Variants in MS4A7 observed in about 807,000 individuals in gnomAD.
MS4A7 encodes the protein membrane spanning 4-domains A7.
In MS4A7, 21 loss-of-function variants were observed where a neutral mutation model predicts 23.5. That is an observed-to-expected ratio of 0.89 (90% CI 0.63 to 1.29). The LOEUF (loss-of-function observed/expected upper bound fraction) is 1.29. Among genes scored for constraint, MS4A7 ranks in the 50% most tolerant of loss-of-function variants. The pLI, the probability that MS4A7 is intolerant of heterozygous loss-of-function variation, is 0.00. For synonymous variants in MS4A7, 111 were observed against 107.4 expected, an observed-to-expected ratio of 1.03 and a Z score of -0.21; for missense variants, 263 against 274.2, an observed-to-expected ratio of 0.96 and a Z score of 0.29.
chr11:60,381,464 G>T (rs1267586973), intron 1 of MS4A7, among the ~76,000 whole-genome samples: 1 of 152,146 alleles, frequency 6.6e-6, no homozygotes, highest in African/African-American at 2.4e-5. Context: ...AACATGGATC[G>T]ACTATTATGG....
chr11:60,389,124 TAG>T (rs760751957), intron 4 of MS4A7: 28 of 439,778 alleles, frequency 6.4e-5, no homozygotes, highest in Non-Finnish European at 1.0e-4. Context: ...TTGAGTGCTA[TAG>T]AGAGTCAATG....
rs192306667 is a variant in MS4A7, at chr11:60,395,151, G to T, written c.*1290G>T. ...CCCCTGCACTTTGTACCACATGGGCGTATTCTTTCTTCCCAGTCATTGCTG... is the reference window on the plus strand; with the variant it reads ...CCCCTGCACTTTGTACCACATGGGCTTATTCTTTCTTCCCAGTCATTGCTG... On this transcript the variant is annotated 3_prime_UTR_variant, in exon 7 of 7. Transcript: ENST00000300184. 13 of 373,796 alleles carry T rather than the reference G, an allele frequency of 3.5e-5. No homozygotes were observed. Among genetic ancestry groups the T allele is most frequent in the South Asian group, 2.6e-4 (2 of 7,842 alleles). 23.2% of individuals were successfully genotyped at this position (373,796 alleles called of 1,614,324 possible). A position where few individuals can be genotyped will look rare whatever the true frequency, so the allele number is the denominator to read the frequency against.
At chr11:60,386,267 A>G (rs2085485924) in intron 3 of MS4A7, among the ~76,000 whole-genome samples, 1 of 152,152 alleles carries the variant, frequency 6.6e-6, no homozygotes. Flanking sequence ...TTCTGACTCA[A>G]GCAACATACA....
rs910508659 is a variant in MS4A7, at chr11:60,394,853, T to C, written c.*992T>C. 1.1e-4 allele frequency: 52 copies of C among 489,660 alleles called. 1 individual carries two copies. Among genetic ancestry groups the C allele is most frequent in the African/African-American group, 9.6e-4 (49 of 51,036 alleles). The allele number at this position is 489,660 out of a possible 1,614,324, so 30.3% of individuals were successfully genotyped here. ...ATAAAAATAGACTATATATAGTCTT[T>C]GAATTCATTTATTTTAAATAAATGA... On this transcript the variant is annotated 3_prime_UTR_variant, in exon 7 of 7. Coordinates refer to ENST00000300184, the MANE Select transcript of MS4A7 (RefSeq NM_021201.5).
At position 60,386,737 on chromosome 11, in the gene MS4A7, C is replaced by G; in HGVS notation, c.303C>G (p.Leu101=). ...GGCAGTTTGGCATTACTGGATCCCT[C>G]TCAATTATCTCTGGAAAACAATCAA... ...GALCFGITGS[L]SIISGKQSTK... The change falls in exon 4 of 7, where the codon CTC becomes CTG. Residue 101 remains leucine, a synonymous_variant. Coordinates refer to ENST00000300184, the MANE Select transcript of MS4A7 (RefSeq NM_021201.5). 6.2e-7 allele frequency: 1 copy of G among 1,613,362 alleles called. No individual in the cohort carries two copies. The highest frequency in any genetic ancestry group is 8.5e-7 in the Non-Finnish European group (1 of 1,179,392).
chr11:60,385,954 T>C (rs1362122337), intron 3 of MS4A7, among the ~76,000 whole-genome samples: 1 of 152,236 alleles, frequency 6.6e-6, no homozygotes, highest in African/African-American at 2.4e-5. Flanking sequence ...ACACAAACTG[T>C]GCAGTCACAT....
chr11:60,383,316 A>T, intron 2 of MS4A7, 28 bp downstream of exon 2: 1 of 1,612,652 alleles, frequency 6.2e-7, no homozygotes, highest in Non-Finnish European at 8.5e-7. Flanking sequence ...TAAGGGGAAT[A>T]CTGAGAAAAT....
chr11:60,388,788 C>A (rs2085517680), intron 4 of MS4A7, among the ~76,000 whole-genome samples: 1 of 152,218 alleles, frequency 6.6e-6, no homozygotes, highest in Non-Finnish European at 1.5e-5. Flanking sequence ...TGTGCCTCTG[C>A]CTCATGCCCT....
chr11:60,390,336 T>C (rs554666362), intron 5 of MS4A7, among the ~76,000 whole-genome samples: 25 of 152,292 alleles, frequency 1.6e-4, no homozygotes, highest in Admixed American at 3.3e-4. Context: ...ATCCTATAAA[T>C]ATAGTATCAT....
At chr11:60,389,631 A>T in intron 5 of MS4A7, 35 bp downstream of exon 5, 1 of 1,584,904 alleles carries the variant, frequency 6.3e-7, no homozygotes, top group Non-Finnish European at 8.6e-7. Context: ...CTGTCATGTG[A>T]AATCTCTGTG....
Position 60,394,054 on chromosome 11 carries a change from A to G in MS4A7, c.*193A>G, listed in dbSNP as rs1062167. The G allele has an allele frequency of 0.74, 304,437 of 410,012 alleles. 113,646 individuals carry two copies. Among genetic ancestry groups the G allele is most frequent in the Middle Eastern group, 0.82 (1,477 of 1,792 alleles). The allele number at this position is 410,012 out of a possible 1,614,324, so 25.4% of individuals were successfully genotyped here. ...AATAATTTCCTCAAAGCCCAAGTCA[A>G]TAAATGTTATCAGCCAGTCTTCCAA... On this transcript the variant is annotated 3_prime_UTR_variant, in exon 7 of 7. Transcript: ENST00000300184.
intron 1 of MS4A7, among the ~76,000 whole-genome samples, chr11:60,379,154 T>G (rs1173726849): frequency 6.6e-6 from 1 of 152,222 alleles, no homozygotes. Context: ...CTGTGGTGTT[T>G]GGAGATGATA....
chr11:60,379,591 T>TGCAGTG (rs58429094), intron 1 of MS4A7, among the ~76,000 whole-genome samples: 96,248 of 151,274 alleles, frequency 0.64, 30,711 homozygotes, highest in Middle Eastern at 0.78. Context: ...CAGGCTAGAG[T>TGCAGTG]GCGTGATCTC....
chr11:60,392,223 C>T (rs2085560906), intron 5 of MS4A7, among the ~76,000 whole-genome samples: 1 of 151,636 alleles, frequency 6.6e-6, no homozygotes, highest in Non-Finnish European at 1.5e-5. Flanking sequence ...AGGTTCAGTA[C>T]ATATCTAGTA....
chr11:60,384,015 C>A (rs1321229335), intron 2 of MS4A7, among the ~76,000 whole-genome samples: 1 of 152,158 alleles, frequency 6.6e-6, no homozygotes, highest in Non-Finnish European at 1.5e-5. Flanking sequence ...AACTATAAGA[C>A]ATCCAAGTGT....
intron 2 of MS4A7, 37 bp downstream of exon 2, chr11:60,383,325 A>C (rs2085450354): frequency 6.2e-7 from 1 of 1,610,306 alleles, no homozygotes; most frequent in Non-Finnish European, 8.5e-7. Flanking sequence ...TACTGAGAAA[A>C]TACTTTGTAA....
intron 1 of MS4A7, 46 bp from the exon 2 acceptor site, chr11:60,383,083 G>A: frequency 2.5e-6 from 4 of 1,595,574 alleles, no homozygotes; most frequent in Non-Finnish European, 2.6e-6. Flanking sequence ...GTTTATGTCT[G>A]TAAGTCAAAC....
chr11:60,392,912 TTTATAA>T, intron 6 of MS4A7, 126 bp downstream of exon 6: 1 of 632,450 alleles, frequency 1.6e-6, no homozygotes, highest in South Asian at 2.0e-5. Flanking sequence ...GAAGGCCACT[TTTATAA>T]TTAAAAAAAT....
chr11:60,387,872 C>T (rs1272658564), intron 4 of MS4A7, among the ~76,000 whole-genome samples: 3 of 152,172 alleles, frequency 2.0e-5, no homozygotes, highest in Non-Finnish European at 4.4e-5. Context: ...CCTATGAGAA[C>T]CACATTCACC....
Sources: gnomAD v4.1 joint callset for allele counts (sites outside exome capture counted in the v4.1 genomes callset) on GRCh38, gnomAD v4.1.1 for gene constraint, MANE v1.5 for transcripts, NCBI Gene and HGNC (gene_info 2026-07-23, HGNC 2026-07-21) for gene names.